AHCYL2: variants seen among roughly 807,000 people sequenced by gnomAD.
AHCYL2 encodes the protein S-adenosylhomocysteine hydrolase-like protein 2.
AHCYL2 carries 28 observed loss-of-function variants against 81.4 expected under a neutral mutation model. That is an observed-to-expected ratio of 0.34 (90% CI 0.25 to 0.47). AHCYL2 has a LOEUF of 0.47. Ranked by LOEUF, AHCYL2 falls within the 20% of genes least tolerant of loss-of-function variation. The pLI, the probability that AHCYL2 is intolerant of heterozygous loss-of-function variation, is 1.00. For synonymous variants in AHCYL2, 272 were observed against 290.2 expected, an observed-to-expected ratio of 0.94 and a Z score of 0.64; for missense variants, 551 against 785.1, an observed-to-expected ratio of 0.70 and a Z score of 3.56.
At chr7:129,405,944 G>C in intron 9 of AHCYL2, 45 bp downstream of exon 9, 1 of 1,582,294 alleles carries the variant, frequency 6.3e-7, no homozygotes, top group Non-Finnish European at 8.6e-7. Context: ...AATGGATTTT[G>C]TTGAAATATT....
Position 129,281,872 on chromosome 7 carries a change from G to A in AHCYL2, c.363+56433G>A, listed in dbSNP as rs145220656. 2.2e-4 allele frequency among the ~76,000 whole-genome samples: 34 copies of A among 152,256 alleles called. 1 individual carries two copies. The East Asian group carries it at 6.0e-3, about 27-fold the overall frequency. On this transcript the variant is annotated intron_variant, in intron 1 of 16. Coordinates refer to ENST00000325006, the MANE Select transcript of AHCYL2 (RefSeq NM_015328.4). ...TCTTTTATTAATAGGAATGTTTAGT[G>A]TTATACATTTCCTTTAGTGCTGCTT...
chr7:129,237,851 GGGATTACA>G (rs1794695535), intron 1 of AHCYL2, among the ~76,000 whole-genome samples: 1 of 152,032 alleles, frequency 6.6e-6, no homozygotes, highest in African/African-American at 2.4e-5. Context: ...CCGAGTGGCT[GGGATTACA>G]GGTGCCCACC....
At chr7:129,277,902 AT>A (rs1363432043) in intron 1 of AHCYL2, among the ~76,000 whole-genome samples, 2 of 152,166 alleles carry the variant, frequency 1.3e-5, no homozygotes, top group African/African-American at 4.8e-5. Context: ...TTCTGTGAAC[AT>A]TTATTAGAGA....
At chr7:129,337,557 G>A (rs180847403) in intron 1 of AHCYL2, among the ~76,000 whole-genome samples, 33 of 152,022 alleles carry the variant, frequency 2.2e-4, no homozygotes, top group Non-Finnish European at 2.8e-4. Context: ...ACACCACCAC[G>A]CCTGGCTAAT....
At chr7:129,362,623 T>TTTTA (rs1793973583) in intron 1 of AHCYL2, among the ~76,000 whole-genome samples, 1 of 138,296 alleles carries the variant, frequency 7.2e-6, no homozygotes, top group African/African-American at 3.1e-5. Flanking sequence ...TTTTTTTTTT[T>TTTTA]TATGGTCTCA....
At chr7:129,396,589 T>C (rs1368478365) in intron 4 of AHCYL2, among the ~76,000 whole-genome samples, 4 of 152,028 alleles carry the variant, frequency 2.6e-5, no homozygotes, top group African/African-American at 9.7e-5. Flanking sequence ...GCCTGGGTAA[T>C]TTTTCTGTAT....
chr7:129,347,298 G>A (rs1458723444), intron 1 of AHCYL2, among the ~76,000 whole-genome samples: 1 of 152,162 alleles, frequency 6.6e-6, no homozygotes, highest in Non-Finnish European at 1.5e-5. Context: ...TGATAAAGAT[G>A]CGTCAGTGTA....
At chr7:129,376,194 A>T (rs1279667213) in intron 1 of AHCYL2, among the ~76,000 whole-genome samples, 6 of 152,160 alleles carry the variant, frequency 3.9e-5, no homozygotes, top group Non-Finnish European at 7.4e-5. Flanking sequence ...GAATCTACTA[A>T]GGTACCACAA....
intron 1 of AHCYL2, among the ~76,000 whole-genome samples, chr7:129,367,954 C>T (rs932924322): frequency 6.6e-6 from 1 of 152,160 alleles, no homozygotes. Flanking sequence ...CTTGAAAGCC[C>T]TAGGAGCTCT....
chr7:129,330,726 G>A (rs1467668292), intron 1 of AHCYL2, among the ~76,000 whole-genome samples: 2 of 152,086 alleles, frequency 1.3e-5, no homozygotes, highest in Admixed American at 6.5e-5. Context: ...CTCCCAAAGT[G>A]CTGGGATTAC....
At chr7:129,318,954 G>T (rs1797920966) in intron 1 of AHCYL2, among the ~76,000 whole-genome samples, 1 of 151,746 alleles carries the variant, frequency 6.6e-6, no homozygotes, top group Non-Finnish European at 1.5e-5. Flanking sequence ...GGGGATGGTG[G>T]CATGGCAAAA....
intron 1 of AHCYL2, among the ~76,000 whole-genome samples, chr7:129,284,513 C>T (rs1298064971): frequency 3.3e-5 from 5 of 151,152 alleles, no homozygotes; most frequent in South Asian, 4.2e-4. Flanking sequence ...GCAGGAGAAT[C>T]GCTGGAACCC....
intron 12 of AHCYL2, 106 bp from the exon 13 acceptor site, chr7:129,422,734 G>C: frequency 1.1e-6 from 1 of 877,706 alleles, no homozygotes; most frequent in Non-Finnish European, 1.8e-6. Context: ...CTGGCATGTT[G>C]GTTGCTCCTT....
chr7:129,390,272 AC>A (rs1795404094), intron 4 of AHCYL2, among the ~76,000 whole-genome samples: 1 of 152,238 alleles, frequency 6.6e-6, no homozygotes, highest in Admixed American at 6.5e-5. Context: ...TGTATTGGGT[AC>A]TATAAATAAC....
At chr7:129,383,213 TG>T (rs1795045736) in intron 2 of AHCYL2, among the ~76,000 whole-genome samples, 1 of 152,126 alleles carries the variant, frequency 6.6e-6, no homozygotes. Context: ...TTGTCCAGGC[TG>T]GAGTGTAGTG....
intron 7 of AHCYL2, 112 bp from the exon 8 acceptor site, chr7:129,404,985 T>C (rs756058514): frequency 3.1e-5 from 18 of 574,066 alleles, no homozygotes; most frequent in Non-Finnish European, 5.5e-5. Context: ...AAACTAGTCA[T>C]GTCTCATGGT....
At chr7:129,402,454 C>T (rs1796081597) in intron 6 of AHCYL2, among the ~76,000 whole-genome samples, 1 of 152,152 alleles carries the variant, frequency 6.6e-6, no homozygotes, top group Non-Finnish European at 1.5e-5. Flanking sequence ...AAGATGGGTG[C>T]ATGTCAGCAG....
At chr7:129,308,557 A>G (rs1270416193) in intron 1 of AHCYL2, among the ~76,000 whole-genome samples, 5 of 152,150 alleles carry the variant, frequency 3.3e-5, no homozygotes, top group Admixed American at 2.0e-4. Context: ...TTTTGATTCT[A>G]ATTGAAGGTG....
intron 12 of AHCYL2, among the ~76,000 whole-genome samples, chr7:129,417,934 G>A (rs985649486): frequency 6.6e-6 from 1 of 152,132 alleles, no homozygotes; most frequent in Admixed American, 6.5e-5. Flanking sequence ...GCAAGATAAG[G>A]GTATTGGGGA....
Sources: allele counts gnomAD v4.1 joint callset (sites outside exome capture counted in the v4.1 genomes callset), GRCh38; gene constraint gnomAD v4.1.1; transcripts MANE v1.5; gene names NCBI Gene and HGNC (gene_info 2026-07-23, HGNC 2026-07-21).